Variants in DCN observed in about 807,000 individuals in gnomAD.
The protein encoded by DCN is bone proteoglycan II.
A neutral mutation model predicts 36.5 loss-of-function variants in DCN; 17 were observed. The ratio of observed to expected loss-of-function variants is 0.47; its 90% CI spans 0.32 to 0.70. The LOEUF (loss-of-function observed/expected upper bound fraction) is 0.70. DCN is among the 30% of genes least tolerant of loss of function. DCN has a pLI of 0.04. For synonymous variants in DCN, 163 were observed against 161.4 expected (o/e 1.01, Z -0.07); for missense variants, 389 against 430.1 (o/e 0.90, Z 0.84).
chr12:91,171,462 G>T (rs1565786910), intron 2 of DCN, among the ~76,000 whole-genome samples: 1 of 152,300 alleles, frequency 6.6e-6, no homozygotes, highest in Admixed American at 6.5e-5. Flanking sequence ...TTAGGAGGTA[G>T]CATCTAATTC....
chr12:91,143,314 G>A lies in DCN; in HGVS notation c.*2744C>T, dbSNP rs1880812161. 1 of 152,158 alleles carries A rather than the reference G, an allele frequency of 6.6e-6. No individual in the cohort carries two copies. The allele number at this position is 152,158 out of a possible 1,614,324, so 9.4% of individuals were successfully genotyped here. A position where few individuals can be genotyped will look rare whatever the true frequency, so the allele number is the denominator to read the frequency against. Reference sequence around the variant, plus strand: ...ACCCAGTTTTTGGTACTTTATTATAGCAGCTGTGAGTTCCTTACAGAGGCC... The same window carrying A: ...ACCCAGTTTTTGGTACTTTATTATAACAGCTGTGAGTTCCTTACAGAGGCC... On this transcript the variant is annotated 3_prime_UTR_variant, in exon 8 of 8. Transcript: ENST00000052754.
intron 2 of DCN, among the ~76,000 whole-genome samples, chr12:91,170,060 T>C (rs1313469502): frequency 6.8e-6 from 1 of 146,094 alleles, no homozygotes; most frequent in African/African-American, 2.6e-5. Flanking sequence ...CAAGACTCTG[T>C]CTAAAAAAAA....
Position 91,172,655 on chromosome 12 carries a change from GT to G in DCN, c.211+5686del, listed in dbSNP as rs967010597. 8 of 619,922 alleles carry G rather than the reference GT, an allele frequency of 1.3e-5. No individual in the cohort carries two copies. The African/African-American group carries it at 1.5e-4, about 12-fold the overall frequency. The allele number at this position is 619,922 out of a possible 1,614,324, so 38.4% of individuals were successfully genotyped here. A position where few individuals can be genotyped will look rare whatever the true frequency, so the allele number is the denominator to read the frequency against. ...AAGGATGCACTGAGAAATCACTTTT[GT>G]TTCTCAATCAGGCATGTTCCCTTCT... On this transcript the variant is annotated intron_variant, in intron 2 of 7. Coordinates refer to ENST00000052754, the MANE Select transcript of DCN (RefSeq NM_001920.5).
At chr12:91,178,690 A>G (rs920433897) in intron 1 of DCN, 105 bp from the exon 2 acceptor site, 1 of 731,220 alleles carries the variant, frequency 1.4e-6, no homozygotes, top group Non-Finnish European at 2.4e-6. Flanking sequence ...AAGATGCAAA[A>G]TAATATTTCA....
At chr12:91,175,003 A>G (rs3138177) in intron 2 of DCN, 4 of 152,142 alleles carry the variant, frequency 2.6e-5, no homozygotes, top group African/African-American at 9.6e-5. Context: ...CAGGATGCCA[A>G]GCATATAAAA....
In DCN at chr12:91,182,035, G is replaced by T. The variant is rs1868425573; in HGVS notation, c.-34+620C>A. On this transcript the variant is annotated intron_variant, in intron 1 of 7. Coordinates refer to ENST00000052754, the MANE Select transcript of DCN (RefSeq NM_001920.5). ...GTGAATGTATCTTAAAATTTCACTT[G>T]CAGTGAAGATACTGACTGGGACACT... Among the ~76,000 whole-genome samples the T allele has an allele frequency of 2.0e-5, 3 of 152,036 alleles. No homozygotes were observed. The South Asian group carries it at 6.2e-4, about 31-fold the overall frequency.
chr12:91,178,507 C>T lies in DCN; in HGVS notation c.46G>A (p.Ala16Thr). 6.2e-7 allele frequency: 1 copy of T among 1,613,684 alleles called. No homozygotes were observed. The highest frequency in any genetic ancestry group is 8.5e-7 in the Non-Finnish European group (1 of 1,179,938). ...AAGCCTCTCTGTTGAAACGGTCCAG[C>T]CCAGGAAACTTGTGCAAGCAGAAGG... ...ILLLLAQVSW[A>T]GPFQQRGLFD... The change falls in exon 2 of 8, where the codon GCT (alanine) becomes ACT (threonine). Residue 16 changes from alanine to threonine, a missense_variant. Physicochemically the swap from Ala to Thr is moderately conservative, Grantham distance 58 (BLOSUM62 0). Coordinates refer to ENST00000052754, the MANE Select transcript of DCN (RefSeq NM_001920.5).
At chr12:91,177,274 T>A (rs765915885) in intron 2 of DCN, 17 of 379,020 alleles carry the variant, frequency 4.5e-5, no homozygotes, top group Non-Finnish European at 7.6e-5. Flanking sequence ...ATATACTTTA[T>A]ATTTTTTCTG....
chr12:91,144,064 C>T lies in DCN; in HGVS notation c.*1994G>A, dbSNP rs1432232163. 6.6e-6 allele frequency: 1 copy of T among 152,034 alleles called. No homozygotes were observed. The highest frequency in any genetic ancestry group is 6.6e-5 in the Admixed American group (1 of 15,260). The allele number at this position is 152,034 out of a possible 1,614,324, so 9.4% of individuals were successfully genotyped here. On this transcript the variant is annotated 3_prime_UTR_variant, in exon 8 of 8. Coordinates refer to ENST00000052754, the MANE Select transcript of DCN (RefSeq NM_001920.5). ...CCTCTTTAGATTTCTACTTATTTCT[C>T]ACCACACTTGTCAGTTAAGCAGCAG...
intron 7 of DCN, 99 bp from the exon 8 acceptor site, chr12:91,146,351 CTTTTTTTTT>C (rs376886852): frequency 1.6e-5 from 5 of 318,286 alleles, no homozygotes; most frequent in South Asian, 1.2e-4. Flanking sequence ...TAATCCTTCA[CTTTTTTTTT>C]TTTTTTTTTT....
intron 3 of DCN, among the ~76,000 whole-genome samples, chr12:91,162,043 C>T (rs770061509): frequency 2.0e-5 from 3 of 151,736 alleles, no homozygotes; most frequent in East Asian, 1.9e-4. Context: ...TGGGTTCAAG[C>T]GATTCTCCTG....
chr12:91,158,114 A>C (rs1236945190), intron 4 of DCN, among the ~76,000 whole-genome samples, 182 bp downstream of exon 4: 1 of 152,158 alleles, frequency 6.6e-6, no homozygotes, highest in African/African-American at 2.4e-5. Flanking sequence ...GGACATACAT[A>C]AAAACATCAC....
intron 6 of DCN, 23 bp from the exon 7 acceptor site, chr12:91,151,815 A>C: frequency 6.2e-7 from 1 of 1,613,496 alleles, no homozygotes; most frequent in Admixed American, 1.7e-5. Flanking sequence ...GCAGAAATGA[A>C]AGCAAACACC....
intron 2 of DCN, chr12:91,177,633 G>T (rs368617531): frequency 8.5e-6 from 6 of 702,288 alleles, no homozygotes; most frequent in African/African-American, 3.5e-5. Flanking sequence ...TTTCTGAAAA[G>T]ATGATAAATC....
In DCN at chr12:91,145,191, A is replaced by T. The variant is rs1235030608; in HGVS notation, c.*867T>A. 2 of 152,236 alleles carry T rather than the reference A, an allele frequency of 1.3e-5. No homozygotes were observed. Among genetic ancestry groups the T allele is most frequent in the Non-Finnish European group, 2.9e-5 (2 of 68,028 alleles). The allele number at this position is 152,236 out of a possible 1,614,324, so 9.4% of individuals were successfully genotyped here. A position where few individuals can be genotyped will look rare whatever the true frequency, so the allele number is the denominator to read the frequency against. On this transcript the variant is annotated 3_prime_UTR_variant, in exon 8 of 8. Transcript: ENST00000052754. ...AAACATTTCTAACATGGGTGGTTTAACTAAAGAAAATACTTACGTCTAATA... is the reference window on the plus strand; with the variant it reads ...AAACATTTCTAACATGGGTGGTTTATCTAAAGAAAATACTTACGTCTAATA...
rs899454711 is a variant in DCN, at chr12:91,141,421, A to G, written c.*4637T>C. On this transcript the variant is annotated 3_prime_UTR_variant, in exon 8 of 8. Transcript: ENST00000052754. ...TCACTCCTGATAAGTCCTTTTTCCG[A>G]CCATCCTATATAAAATAGCAAGTCT... The G allele has an allele frequency of 2.0e-5, 3 of 151,898 alleles. No homozygotes were observed. The highest frequency in any genetic ancestry group is 1.3e-4 in the Admixed American group (2 of 15,230). The allele number at this position is 151,898 out of a possible 1,614,324, so 9.4% of individuals were successfully genotyped here.
chr12:91,178,285 G>T, intron 2 of DCN, 57 bp downstream of exon 2: 1 of 1,444,440 alleles, frequency 6.9e-7, no homozygotes, highest in Non-Finnish European at 9.7e-7. Flanking sequence ...TCTCAGAGTT[G>T]CCATTCCCAA....
chr12:91,154,627 T>A (rs1881643875), intron 5 of DCN, among the ~76,000 whole-genome samples: 1 of 152,132 alleles, frequency 6.6e-6, no homozygotes, highest in South Asian at 2.1e-4. Flanking sequence ...GTAAAGTGCA[T>A]CATTAGCTTC....
intron 2 of DCN, chr12:91,177,469 T>C (rs963956945): frequency 4.6e-6 from 3 of 649,554 alleles, no homozygotes; most frequent in South Asian, 1.7e-5. Flanking sequence ...TTTCTTTTCA[T>C]CTCCAGTAAG....
Sources: gnomAD v4.1 joint callset for allele counts (sites outside exome capture counted in the v4.1 genomes callset) on GRCh38, gnomAD v4.1.1 for gene constraint, MANE v1.5 for transcripts, NCBI Gene and HGNC (gene_info 2026-07-23, HGNC 2026-07-21) for gene names.